Variants in RORA observed in about 807,000 individuals in gnomAD.
RORA encodes the protein RAR related orphan receptor A.
RORA carries 7 observed loss-of-function variants against 69.5 expected under a neutral mutation model. The observed-to-expected ratio is 0.10, with a 90% CI of 0.06 to 0.19. The LOEUF (loss-of-function observed/expected upper bound fraction) is 0.19, where lower values mean the gene tolerates loss of function less well. Ranked by LOEUF, RORA falls within the 10% of genes least tolerant of loss-of-function variation. The pLI is 1.00. For missense variants in RORA, 457 were observed against 663.0 expected, an observed-to-expected ratio of 0.69 and a Z score of 3.41; for synonymous variants, 261 against 240.8, an observed-to-expected ratio of 1.08 and a Z score of -0.78.
chr15:60,689,512 C>T (rs1021909423), intron 1 of RORA, among the ~76,000 whole-genome samples: 2 of 152,058 alleles, frequency 1.3e-5, no homozygotes, highest in Non-Finnish European at 2.9e-5. Context: ...AAGGTTGTAA[C>T]GGGTTGAGTT....
chr15:61,031,081 T>G (rs1416665982), intron 1 of RORA, among the ~76,000 whole-genome samples: 1 of 152,178 alleles, frequency 6.6e-6, no homozygotes, highest in African/African-American at 2.4e-5. Context: ...ACTGAATTTA[T>G]TTACAAATTG....
chr15:60,892,933 G>A (rs1469530797), intron 1 of RORA, among the ~76,000 whole-genome samples: 3 of 152,318 alleles, frequency 2.0e-5, no homozygotes, highest in Admixed American at 6.5e-5. Flanking sequence ...TTACGTGAGC[G>A]ATTAAATGGT....
intron 1 of RORA, among the ~76,000 whole-genome samples, chr15:61,166,734 G>A (rs536442051): frequency 1.1e-4 from 17 of 152,018 alleles, no homozygotes; most frequent in Non-Finnish European, 1.8e-4. Context: ...TGGACCTCAG[G>A]ACTCCTAGCA....
intron 1 of RORA, among the ~76,000 whole-genome samples, chr15:60,682,627 A>T (rs1392808641): frequency 6.6e-6 from 1 of 152,190 alleles, no homozygotes; most frequent in Non-Finnish European, 1.5e-5. Context: ...TTAAAAAAAT[A>T]AACAAAAGGA....
intron 2 of RORA, among the ~76,000 whole-genome samples, chr15:60,572,961 T>C (rs2067923628): frequency 6.6e-6 from 1 of 152,234 alleles, no homozygotes; most frequent in Non-Finnish European, 1.5e-5. Context: ...TTACACTGGC[T>C]GTGACACGAG....
intron 1 of RORA, among the ~76,000 whole-genome samples, chr15:61,123,110 T>A (rs781162635): frequency 6.6e-6 from 1 of 152,062 alleles, no homozygotes; most frequent in Non-Finnish European, 1.5e-5. Flanking sequence ...GAACTTATGA[T>A]TGGAGGTCAG....
intron 1 of RORA, among the ~76,000 whole-genome samples, chr15:60,931,898 T>C (rs1040137052): frequency 6.6e-6 from 1 of 152,248 alleles, no homozygotes; most frequent in African/African-American, 2.4e-5. Flanking sequence ...CAGGGAGCCA[T>C]GTTAAGCCAT....
At chr15:60,885,423 C>A (rs2073740005) in intron 1 of RORA, among the ~76,000 whole-genome samples, 1 of 152,180 alleles carries the variant, frequency 6.6e-6, no homozygotes, top group East Asian at 1.9e-4. Context: ...AGTTGAATAC[C>A]AACAAGTGAC....
At chr15:61,088,881 A>G (rs778840453) in intron 1 of RORA, among the ~76,000 whole-genome samples, 21 of 152,194 alleles carry the variant, frequency 1.4e-4, no homozygotes, top group Non-Finnish European at 2.9e-4. Flanking sequence ...AACCTCTAAA[A>G]TCTCCCAATC....
At chr15:60,854,425 GTT>G (rs1210906112) in intron 1 of RORA, among the ~76,000 whole-genome samples, 1 of 152,102 alleles carries the variant, frequency 6.6e-6, no homozygotes, top group Non-Finnish European at 1.5e-5. Context: ...AGGTAACGTT[GTT>G]TTTCTGTATT....
chr15:61,056,687 C>T (rs577910106), intron 1 of RORA, among the ~76,000 whole-genome samples: 1 of 152,044 alleles, frequency 6.6e-6, no homozygotes, highest in South Asian at 2.1e-4. Context: ...AAAATATGGG[C>T]AATCTCTATT....
At chr15:61,119,964 G>A (rs547746194) in intron 1 of RORA, among the ~76,000 whole-genome samples, 5 of 152,262 alleles carry the variant, frequency 3.3e-5, no homozygotes, top group African/African-American at 9.6e-5. Flanking sequence ...GAGGCGGGGA[G>A]GAGTTTTGTG....
chr15:61,046,970 G>A (rs1463031615), intron 1 of RORA, among the ~76,000 whole-genome samples: 1 of 152,226 alleles, frequency 6.6e-6, no homozygotes, highest in Non-Finnish European at 1.5e-5. Context: ...AGCATCTTTT[G>A]CTCGAAATGG....
At chr15:60,852,103 C>A (rs181870292) in intron 1 of RORA, among the ~76,000 whole-genome samples, 1 of 152,220 alleles carries the variant, frequency 6.6e-6, no homozygotes, top group Non-Finnish European at 1.5e-5. Flanking sequence ...CGATGGCACA[C>A]CAGCGCTTGA....
chr15:60,880,115 C>A (rs941685726), intron 1 of RORA, among the ~76,000 whole-genome samples: 1 of 152,174 alleles, frequency 6.6e-6, no homozygotes, highest in Non-Finnish European at 1.5e-5. Context: ...GGCTGAAATT[C>A]TTTCTTCTGA....
chr15:60,638,724 G>A (rs1309670291), intron 2 of RORA, among the ~76,000 whole-genome samples: 3 of 152,176 alleles, frequency 2.0e-5, no homozygotes, highest in Non-Finnish European at 4.4e-5. Context: ...GAATTCTTTT[G>A]TAGTGGGCTT....
intron 2 of RORA, among the ~76,000 whole-genome samples, chr15:60,618,977 G>C (rs771516032): frequency 1.3e-5 from 2 of 152,180 alleles, no homozygotes; most frequent in Non-Finnish European, 2.9e-5. Context: ...CTGTTCAAAT[G>C]CAAACTTGAC....
intron 1 of RORA, among the ~76,000 whole-genome samples, chr15:61,132,532 A>G (rs1473576881): frequency 6.6e-6 from 1 of 152,234 alleles, no homozygotes; most frequent in Non-Finnish European, 1.5e-5. Flanking sequence ...AGATACTTTA[A>G]TAAGTAAGGT....
chr15:60,826,841 T>A (rs1435644374), intron 1 of RORA, among the ~76,000 whole-genome samples: 1 of 151,482 alleles, frequency 6.6e-6, no homozygotes, highest in Admixed American at 6.6e-5. Context: ...AATTCCAAGC[T>A]TAAGATATTT....
Sources: allele counts gnomAD v4.1 joint callset (sites outside exome capture counted in the v4.1 genomes callset), GRCh38; gene constraint gnomAD v4.1.1; transcripts MANE v1.5; gene names NCBI Gene and HGNC (gene_info 2026-07-23, HGNC 2026-07-21).